The following CDKAL1 variants were observed in gnomAD, a reference collection of about 807,000 sequenced individuals.
CDKAL1 encodes the protein CDKAL1 threonylcarbamoyladenosine tRNA methylthiotransferase, also known as threonylcarbamoyladenosine tRNA methylthiotransferase.
A neutral mutation model predicts 68.2 loss-of-function variants in CDKAL1; 32 were observed. The ratio of observed to expected loss-of-function variants is 0.47; its 90% CI spans 0.35 to 0.63. The LOEUF (loss-of-function observed/expected upper bound fraction) is 0.63. Among genes scored for constraint, CDKAL1 ranks in the 30% least tolerant of loss-of-function variants. The pLI is 0.00. For synonymous variants in CDKAL1, 234 were observed against 244.3 expected (o/e 0.96, Z 0.39); for missense variants, 606 against 696.7 (o/e 0.87, Z 1.47).
chr6:21,204,486 C>A (rs1778820638), intron 15 of CDKAL1, among the ~76,000 whole-genome samples: 1 of 152,158 alleles, frequency 6.6e-6, no homozygotes, highest in Non-Finnish European at 1.5e-5. Context: ...ATTTTAAAAT[C>A]ATTACCCATA....
At chr6:21,117,953 A>T (rs1774502804) in intron 13 of CDKAL1, among the ~76,000 whole-genome samples, 1 of 152,242 alleles carries the variant, frequency 6.6e-6, no homozygotes, top group Admixed American at 6.5e-5. Flanking sequence ...ATTTAAGAAG[A>T]AAAAGTTTTA....
intron 5 of CDKAL1, among the ~76,000 whole-genome samples, chr6:20,729,367 T>G (rs1181983016): frequency 1.3e-5 from 2 of 152,218 alleles, no homozygotes; most frequent in African/African-American, 2.4e-5. Flanking sequence ...TTCTTTTTTT[T>G]CTTAATGTCT....
At chr6:20,824,791 G>A (rs1271457129) in intron 8 of CDKAL1, among the ~76,000 whole-genome samples, 1 of 149,844 alleles carries the variant, frequency 6.7e-6, no homozygotes, top group African/African-American at 2.4e-5. Flanking sequence ...CAGGAGTCAG[G>A]ATTCTGGAGG....
intron 13 of CDKAL1, among the ~76,000 whole-genome samples, chr6:21,189,637 T>TAA (rs1024608312): frequency 6.6e-6 from 1 of 152,218 alleles, no homozygotes; most frequent in Non-Finnish European, 1.5e-5. Context: ...ACGATGGACT[T>TAA]AAAGGCTCAT....
chr6:20,674,515 A>C (rs1425731736), intron 5 of CDKAL1, among the ~76,000 whole-genome samples: 1 of 152,188 alleles, frequency 6.6e-6, no homozygotes, highest in Non-Finnish European at 1.5e-5. Flanking sequence ...ACATGCATAC[A>C]ATGTGTAATG....
chr6:20,586,075 C>T (rs1765342039), intron 4 of CDKAL1, among the ~76,000 whole-genome samples: 1 of 152,212 alleles, frequency 6.6e-6, no homozygotes, highest in African/African-American at 2.4e-5. Flanking sequence ...CCACATCACA[C>T]ACTGAGTCTA....
chr6:21,211,906 C>T (rs1399068867), intron 15 of CDKAL1, among the ~76,000 whole-genome samples: 11 of 152,192 alleles, frequency 7.2e-5, no homozygotes, highest in South Asian at 6.2e-4. Context: ...TTCAGACATG[C>T]GCCACTGTGC....
intron 4 of CDKAL1, among the ~76,000 whole-genome samples, chr6:20,630,410 A>T (rs545428609): frequency 4.6e-5 from 7 of 151,834 alleles, no homozygotes; most frequent in Admixed American, 2.0e-4. Context: ...TATTGTCTTT[A>T]TGCTGAATTT....
chr6:20,847,129 G>T (rs1052648019), intron 9 of CDKAL1, among the ~76,000 whole-genome samples: 1 of 152,038 alleles, frequency 6.6e-6, no homozygotes, highest in Admixed American at 6.6e-5. Flanking sequence ...CTCCTTGTTT[G>T]ATTTATTGAT....
chr6:21,001,909 A>T (rs1370163003), intron 11 of CDKAL1, among the ~76,000 whole-genome samples: 1 of 152,214 alleles, frequency 6.6e-6, no homozygotes, highest in Non-Finnish European at 1.5e-5. Context: ...AAGTATAAAC[A>T]TGCATCCCGG....
chr6:20,809,500 C>T (rs908535401), intron 8 of CDKAL1, among the ~76,000 whole-genome samples: 7 of 152,128 alleles, frequency 4.6e-5, no homozygotes, highest in Non-Finnish European at 1.0e-4. Flanking sequence ...TGATATTTTA[C>T]TACACTTGGA....
intron 13 of CDKAL1, among the ~76,000 whole-genome samples, chr6:21,169,482 A>G (rs1181565021): frequency 6.6e-6 from 1 of 152,198 alleles, no homozygotes; most frequent in African/African-American, 2.4e-5. Context: ...CAAAACATAC[A>G]AAAATTAGCC....
intron 4 of CDKAL1, among the ~76,000 whole-genome samples, chr6:20,592,272 T>G (rs368117600): frequency 6.6e-6 from 1 of 151,470 alleles, no homozygotes; most frequent in East Asian, 1.9e-4. Context: ...AGTTTTTGGG[T>G]TTTCTGAATA....
chr6:20,873,329 A>G (rs1760322386), intron 9 of CDKAL1, among the ~76,000 whole-genome samples: 1 of 152,306 alleles, frequency 6.6e-6, no homozygotes, highest in South Asian at 2.1e-4. Context: ...ATAGGTCTCT[A>G]AGACTAGGGC....
chr6:20,982,722 G>A (rs983878413), intron 10 of CDKAL1, among the ~76,000 whole-genome samples: 2 of 151,828 alleles, frequency 1.3e-5, no homozygotes, highest in East Asian at 1.9e-4. Flanking sequence ...TTGCAAAAAA[G>A]GGTAAGTTAG....
intron 11 of CDKAL1, among the ~76,000 whole-genome samples, chr6:21,052,900 A>G (rs1232976541): frequency 1.3e-5 from 2 of 152,236 alleles, no homozygotes; most frequent in African/African-American, 2.4e-5. Context: ...TAAGTGCTCA[A>G]TAAGACTTCT....
intron 9 of CDKAL1, among the ~76,000 whole-genome samples, chr6:20,932,667 C>G (rs1356892710): frequency 6.6e-6 from 1 of 152,094 alleles, no homozygotes; most frequent in Non-Finnish European, 1.5e-5. Context: ...CCAGAGTCCC[C>G]TAACACCAAA....
At chr6:20,770,775 C>G (rs888896802) in intron 7 of CDKAL1, among the ~76,000 whole-genome samples, 13 of 152,162 alleles carry the variant, frequency 8.5e-5, no homozygotes, top group African/African-American at 3.1e-4. Flanking sequence ...AGGCTTTTAA[C>G]TAGCTTGGTT....
intron 8 of CDKAL1, among the ~76,000 whole-genome samples, chr6:20,789,204 T>G (rs1199449445): frequency 6.6e-6 from 1 of 152,226 alleles, no homozygotes; most frequent in Non-Finnish European, 1.5e-5. Flanking sequence ...TCCTAAAATT[T>G]GCAGCCTTTT....
Sources: gnomAD v4.1 joint callset for allele counts (sites outside exome capture counted in the v4.1 genomes callset) on GRCh38, gnomAD v4.1.1 for gene constraint, MANE v1.5 for transcripts, NCBI Gene and HGNC (gene_info 2026-07-23, HGNC 2026-07-21) for gene names.